CRYBB1: variants seen among roughly 807,000 people sequenced by gnomAD.
The protein encoded by CRYBB1 is crystallin beta B1.
Under a neutral mutation model 29.5 loss-of-function variants are expected in CRYBB1, and 16 were observed. The observed-to-expected ratio is 0.54, with a 90% confidence interval of 0.37 to 0.82. The LOEUF (loss-of-function observed/expected upper bound fraction) is 0.82, where lower values mean the gene tolerates loss of function less well. Among genes scored for constraint, CRYBB1 ranks in the 40% least tolerant of loss-of-function variants. CRYBB1 has a pLI of 0.00. For missense variants in CRYBB1, 300 were observed against 350.5 expected, an observed-to-expected ratio of 0.86 and a Z score of 1.15; for synonymous variants, 127 against 136.7, an observed-to-expected ratio of 0.93 and a Z score of 0.49.
rs1945054028 is a variant in CRYBB1 at position 26,616,128 on chromosome 22, C to T, written c.180+12G>A. On this transcript the variant is annotated intron_variant, in intron 2 of 5. Transcript: ENST00000647684. The stretch of plus-strand genomic sequence containing the variant: ...GGCATGGCACCCAGCCACTGCACCC[C>T]CAGGTCCTTACCCTGTAGTTCCCAG... 9.9e-6 allele frequency: 16 copies of T among 1,612,822 alleles called. No individual in the cohort carries two copies. Among genetic ancestry groups the T allele is most frequent in the Non-Finnish European group, 1.2e-5 (14 of 1,178,790 alleles).
At position 26,604,020 on chromosome 22, in the gene CRYBB1, A is replaced by G. The variant is rs189271904; in HGVS notation, c.433-1999T>C. On this transcript the variant is annotated intron_variant, in intron 4 of 5. Coordinates refer to ENST00000647684, the MANE Select transcript of CRYBB1 (RefSeq NM_001887.4). ...ATTTTTAATGCTTTCATGACCCTGT[A>G]TCTTGTTTTTAAAGTTCGTCTGTTA... Among the ~76,000 whole-genome samples, 200 of 152,326 alleles carry G rather than the reference A, an allele frequency of 1.3e-3. 1 individual carries two copies. Among genetic ancestry groups the G allele is most frequent in the African/African-American group, 4.2e-3 (173 of 41,580 alleles).
At chr22:26,607,806 T>A (rs1602325170) in intron 4 of CRYBB1, 83 bp downstream of exon 4, 2 of 1,598,602 alleles carry the variant, frequency 1.3e-6, no homozygotes, top group Admixed American at 3.3e-5. Context: ...CATCATCTCC[T>A]TCTTGCCCTT....
intron 5 of CRYBB1, 133 bp downstream of exon 5, chr22:26,601,746 C>T (rs1214827833): frequency 6.9e-7 from 1 of 1,440,336 alleles, no homozygotes; most frequent in African/African-American, 1.4e-5. Flanking sequence ...ATCCCAGGAA[C>T]CAGCACTGGG....
At chr22:26,608,146 G>T in intron 3 of CRYBB1, 125 bp from the exon 4 acceptor site, 2 of 1,376,480 alleles carry the variant, frequency 1.5e-6, no homozygotes, top group Non-Finnish European at 2.0e-6. Context: ...GTCCAAAGGG[G>T]GCTGAACATG....
chr22:26,607,047 G>T (rs1928999819), intron 4 of CRYBB1, among the ~76,000 whole-genome samples: 1 of 139,122 alleles, frequency 7.2e-6, no homozygotes, highest in Non-Finnish European at 1.5e-5. Flanking sequence ...TTTTGAGATG[G>T]AGTCTGGCAC....
rs554876163 is a variant in CRYBB1 at position 26,608,450 on chromosome 22, T to G, written c.300-429A>C. 2.0e-5 allele frequency among the ~76,000 whole-genome samples: 3 copies of G among 152,348 alleles called. No homozygotes were observed. In the South Asian group the frequency reaches 6.2e-4, roughly 32 times the overall value. On this transcript the variant is annotated intron_variant, in intron 3 of 5. Coordinates refer to ENST00000647684, the MANE Select transcript of CRYBB1 (RefSeq NM_001887.4). ...TTGATGTTAATGTGCCTTTAACACTTACTAATCTCTCCTTTTTTTCTTTTG... is the reference window on the plus strand; with the variant it reads ...TTGATGTTAATGTGCCTTTAACACTGACTAATCTCTCCTTTTTTTCTTTTG...
intron 4 of CRYBB1, among the ~76,000 whole-genome samples, chr22:26,603,138 A>G (rs200138541): frequency 1.3e-5 from 2 of 148,754 alleles, no homozygotes; most frequent in African/African-American, 5.0e-5. Flanking sequence ...AAAAAAAAAA[A>G]AAAAAACAAA....
At chr22:26,602,828 A>G (rs986028005) in intron 4 of CRYBB1, among the ~76,000 whole-genome samples, 4 of 152,122 alleles carry the variant, frequency 2.6e-5, no homozygotes, top group African/African-American at 9.6e-5. Flanking sequence ...ATCTAGGTTC[A>G]AATCCTGCCT....
chr22:26,610,117 G>A (rs981242055), intron 3 of CRYBB1, among the ~76,000 whole-genome samples: 1 of 152,116 alleles, frequency 6.6e-6, no homozygotes, highest in African/African-American at 2.4e-5. Context: ...AATTTTAAAT[G>A]TTTATATCTA....
At chr22:26,610,897 G>A (rs562959966) in intron 3 of CRYBB1, among the ~76,000 whole-genome samples, 14 of 152,260 alleles carry the variant, frequency 9.2e-5, no homozygotes, top group Middle Eastern at 6.8e-3. Flanking sequence ...AGCTCATCTC[G>A]GAATGGGCTC....
At chr22:26,614,753 A>T (rs558544540) in intron 2 of CRYBB1, among the ~76,000 whole-genome samples, 2 of 152,300 alleles carry the variant, frequency 1.3e-5, no homozygotes, top group Non-Finnish European at 2.9e-5. Context: ...GCACTTGGGG[A>T]GGCGGAGGCT....
rs754383651 is a variant in CRYBB1, at chr22:26,612,179, G to T, written c.192C>A (p.Phe64Leu). 6.2e-7 allele frequency: 1 copy of T among 1,612,944 alleles called. No homozygotes were observed. Among genetic ancestry groups the T allele is most frequent in the Non-Finnish European group, 8.5e-7 (1 of 1,179,390 alleles). ...LPPGNYRLVV[F>L]ELENFQGRRA... ...GACGGCCCTGGAAGTTTTCCAGTTCGAAGACCACCAGCTGCAGGAGAGAAG... is the reference window on the plus strand; with the variant it reads ...GACGGCCCTGGAAGTTTTCCAGTTCTAAGACCACCAGCTGCAGGAGAGAAG... The change falls in exon 3 of 6, where the codon TTC becomes TTA. Residue 64 changes from phenylalanine to leucine, a missense_variant. Transcript: ENST00000647684.
chr22:26,607,953 C>T lies in CRYBB1; in HGVS notation c.368G>A (p.Arg123His), dbSNP rs864309682. Residue 123 changes from arginine to histidine, a missense_variant, in exon 4 of 6, where the codon CGC (arginine) becomes CAC (histidine). Transcript: ENST00000647684. ...MFILEKGEYPRWNTWSSSYRS... is the reference protein window; with the variant it reads ...MFILEKGEYPHWNTWSSSYRS... ...GTAGCTGCTCGACCATGTGTTCCAGCGAGGGTACTCGCCCTTCTCCAGGAT... is the reference window on the plus strand; with the variant it reads ...GTAGCTGCTCGACCATGTGTTCCAGTGAGGGTACTCGCCCTTCTCCAGGAT... The T allele has an allele frequency of 3.1e-6, 5 of 1,614,184 alleles. No individual in the cohort carries two copies. The highest frequency in any genetic ancestry group is 1.1e-5 in the South Asian group (1 of 91,086).
intron 4 of CRYBB1, among the ~76,000 whole-genome samples, chr22:26,604,439 C>A (rs1037650986): frequency 2.0e-5 from 3 of 152,184 alleles, no homozygotes; most frequent in African/African-American, 7.2e-5. Context: ...GAGCCCAGAA[C>A]GTAAGTGCAT....
chr22:26,616,753 A>G (rs2145973641), intron 1 of CRYBB1, among the ~76,000 whole-genome samples: 1 of 152,280 alleles, frequency 6.6e-6, no homozygotes, highest in African/African-American at 2.4e-5. Flanking sequence ...ACATTAATTA[A>G]CCCATCTGAC....
intron 4 of CRYBB1, among the ~76,000 whole-genome samples, chr22:26,605,969 T>A (rs527727342): frequency 1.3e-5 from 2 of 152,194 alleles, no homozygotes; most frequent in South Asian, 4.1e-4. Context: ...GCTTTGAATG[T>A]GGCCCAACAC....
chr22:26,604,025 G>C (rs1928902601), intron 4 of CRYBB1, among the ~76,000 whole-genome samples: 1 of 152,206 alleles, frequency 6.6e-6, no homozygotes, highest in South Asian at 2.1e-4. Flanking sequence ...CCTGTATCTT[G>C]TTTTTAAAGT....
chr22:26,602,103 G>A lies in CRYBB1; in HGVS notation c.433-82C>T. The A allele has an allele frequency of 2.6e-6, 4 of 1,556,078 alleles. No homozygotes were observed. The Admixed American group carries it at 5.1e-5, about 20-fold the overall frequency. Reference sequence around the variant, plus strand: ...AACTTAGCGGGGCCTTCTGGGTGTGGAGCGAGAGAGATGAGCCTGTTCAGG... The same window carrying A: ...AACTTAGCGGGGCCTTCTGGGTGTGAAGCGAGAGAGATGAGCCTGTTCAGG... On this transcript the variant is annotated intron_variant, in intron 4 of 5. Coordinates refer to ENST00000647684, the MANE Select transcript of CRYBB1 (RefSeq NM_001887.4).
In CRYBB1 at chr22:26,616,165, G is replaced by A. The variant is rs533765538; in HGVS notation, c.155C>T (p.Ala52Val). Residue 52 changes from alanine (A) to valine (V), a missense_variant, in exon 2 of 6, where the codon GCG becomes GTG. Ala to Val is a moderately conservative substitution (Grantham distance 64, BLOSUM62 0). Transcript: ENST00000647684. ...TTVPITSAKA[A>V]ELPPGNYRLV... ...CCTGTAGTTCCCAGGAGGCAGTTCC[G>A]CCGCCTTGGCGCTGGTAATAGGCAC... 10 of 1,614,054 alleles carry A rather than the reference G, an allele frequency of 6.2e-6. No individual in the cohort carries two copies. Among genetic ancestry groups the A allele is most frequent in the South Asian group, 3.3e-5 (3 of 91,086 alleles).
Sources: allele counts gnomAD v4.1 joint callset (sites outside exome capture counted in the v4.1 genomes callset), GRCh38; gene constraint gnomAD v4.1.1; transcripts MANE v1.5; gene names NCBI Gene and HGNC (gene_info 2026-07-23, HGNC 2026-07-21).